The following IL13RA1 variants were observed in gnomAD, a reference collection of about 807,000 sequenced individuals.
IL13RA1 encodes interleukin-13 receptor subunit alpha-1.
Under a neutral mutation model 33.8 loss-of-function variants are expected in IL13RA1, and 14 were observed. The observed-to-expected ratio is 0.41, with a 90% confidence interval of 0.27 to 0.65. The LOEUF is 0.65. IL13RA1 is among the 30% of genes least tolerant of loss of function. The pLI is 0.28. For synonymous variants in IL13RA1, 116 were observed against 115.7 expected (o/e 1.00, Z -0.02); for missense variants, 313 against 327.0 (o/e 0.96, Z 0.33).
At chrX:118,798,333 T>C (rs1019522849), downstream of IL13RA1, among the ~76,000 whole-genome samples, 3 of 111,858 alleles carry the variant, frequency 2.7e-5, no homozygotes, top group African/African-American at 9.8e-5. Flanking sequence ...TATTTTTTTA[T>C]GTACCTGTCA....
chrX:118,778,648 G>A (rs1254747106), intron 10 of IL13RA1, among the ~76,000 whole-genome samples: 7 of 111,675 alleles, frequency 6.3e-5, no homozygotes, highest in Non-Finnish European at 1.3e-4. Context: ...TTGAAAATCA[G>A]TGATAAAGAT....
Position 118,741,216 on chromosome X carries a change from A to G in IL13RA1, c.228+60A>G. On this transcript the variant is annotated intron_variant, in intron 2 of 10. Transcript: ENST00000371666. ...AAAGTGAACACTATGAATTGGAGCCAAGAATAAGCCAAATTCTAGTCTTAC... is the reference window on the plus strand; with the variant it reads ...AAAGTGAACACTATGAATTGGAGCCGAGAATAAGCCAAATTCTAGTCTTAC... 4 of 731,283 alleles carry G rather than the reference A, an allele frequency of 5.5e-6. No individual in the cohort carries two copies. The South Asian group carries it at 9.8e-5, about 18-fold the overall frequency. The allele number at this position is 731,283 out of a possible 1,213,427, so 60.3% of individuals were successfully genotyped here.
chrX:118,805,114 A>G, the IL13RA1 span, among the ~76,000 whole-genome samples: 1 of 111,614 alleles, frequency 9.0e-6, no homozygotes, highest in Non-Finnish European at 1.9e-5. Context: ...ACATGGTTTC[A>G]CTTCTTCCCT....
At chrX:118,761,320 G>A in intron 6 of IL13RA1, 31 bp downstream of exon 6, 1 of 766,962 alleles carries the variant, frequency 1.3e-6, no homozygotes, top group African/African-American at 2.1e-5. Flanking sequence ...TTTTTATTTG[G>A]CTATTTTTCT....
At chrX:118,761,033 G>A (rs2017585059) in intron 5 of IL13RA1, 105 bp from the exon 6 acceptor site, 1 of 428,027 alleles carries the variant, frequency 2.3e-6, no homozygotes, top group South Asian at 6.1e-5. Context: ...TTCATGGTTG[G>A]TTGAATTCAT....
chrX:118,746,508 C>T (rs2017406169), intron 2 of IL13RA1, among the ~76,000 whole-genome samples: 1 of 111,562 alleles, frequency 9.0e-6, no homozygotes, highest in Non-Finnish European at 1.9e-5. Flanking sequence ...CATATTGTTT[C>T]CTTTAAAATT....
chrX:118,780,562 C>T (rs1480104129), intron 10 of IL13RA1, among the ~76,000 whole-genome samples: 2 of 112,712 alleles, frequency 1.8e-5, no homozygotes, highest in Non-Finnish European at 3.7e-5. Context: ...TGGTGAGTAT[C>T]TCAGGAAGCT....
downstream of IL13RA1, among the ~76,000 whole-genome samples, chrX:118,797,137 G>A (rs2018036669): frequency 8.9e-6 from 1 of 112,102 alleles, no homozygotes; most frequent in South Asian, 3.7e-4. Context: ...GAGTTCATTT[G>A]GAAGTGAGAA....
At chrX:118,782,828 C>T (rs903823736) in intron 10 of IL13RA1, among the ~76,000 whole-genome samples, 29 of 109,815 alleles carry the variant, frequency 2.6e-4, no homozygotes, top group Non-Finnish European at 5.1e-4. Context: ...TCTCAAACTC[C>T]TGGGCTCAAA....
At chrX:118,775,721 G>A (rs1360600134) in intron 9 of IL13RA1, among the ~76,000 whole-genome samples, 1 of 111,511 alleles carries the variant, frequency 9.0e-6, no homozygotes, top group Non-Finnish European at 1.9e-5. Flanking sequence ...CTGGTGCCAT[G>A]TACTGAGACA....
At position 118,789,734 on chromosome X, in the gene IL13RA1, C is replaced by A. The variant is rs578063563; in HGVS notation, c.1192-2028C>A. Among the ~76,000 whole-genome samples, 5 of 110,639 alleles carry A rather than the reference C, an allele frequency of 4.5e-5. No homozygotes were observed. The South Asian group carries it at 1.9e-3, about 42-fold the overall frequency. On this transcript the variant is annotated intron_variant, in intron 10 of 10. Coordinates refer to ENST00000371666, the MANE Select transcript of IL13RA1 (RefSeq NM_001560.3). ...TCCTGTATTTTTAGGTGTAAAGAGC[C>A]CTTTCCACCTTAGATTTATATAGTT... is the stretch of plus-strand genomic sequence containing the variant.
rs756238129 is a variant in IL13RA1, at chrX:118,773,874, T to G, written c.1010-5T>G. On this transcript the variant is annotated splice_polypyrimidine_tract_variant and splice_region_variant and intron_variant, in intron 8 of 10. Transcript: ENST00000371666. Reference sequence around the variant, plus strand: ...AAGTCTTTCTGTTTGCTTTTCATTCTCCAGGTAAGAAGCGCAATTCCACAC... The same window carrying G: ...AAGTCTTTCTGTTTGCTTTTCATTCGCCAGGTAAGAAGCGCAATTCCACAC... The G allele has an allele frequency of 1.1e-6, 1 of 879,095 alleles. No individual in the cohort carries two copies. Among genetic ancestry groups the G allele is most frequent in the African/African-American group, 2.0e-5 (1 of 50,776 alleles). The allele number at this position is 879,095 out of a possible 1,213,427, so 72.4% of individuals were successfully genotyped here.
intron 6 of IL13RA1, among the ~76,000 whole-genome samples, chrX:118,762,842 T>C (rs764865507): frequency 5.3e-5 from 6 of 112,209 alleles, no homozygotes; most frequent in Admixed American, 9.5e-5. Context: ...CCTGAGATAG[T>C]ATTCATTTTG....
At chrX:118,790,074 G>A (rs759100682) in intron 10 of IL13RA1, among the ~76,000 whole-genome samples, 1 of 111,853 alleles carries the variant, frequency 8.9e-6, no homozygotes, top group South Asian at 3.7e-4. Context: ...ATGCAATTTT[G>A]TAACCACTGC....
At chrX:118,758,323 A>G in intron 5 of IL13RA1, 81 bp downstream of exon 5, 2 of 454,375 alleles carry the variant, frequency 4.4e-6, no homozygotes, top group Non-Finnish European at 7.6e-6. Context: ...ATAATAAAAA[A>G]TGATCATTCT....
intron 1 of IL13RA1, among the ~76,000 whole-genome samples, chrX:118,735,072 G>C (rs138134895): frequency 0.011 from 1,187 of 110,222 alleles, 10 homozygotes; most frequent in Admixed American, 0.023. Context: ...GTTAGTGTAC[G>C]GTTGTTCATA....
At chrX:118,751,476 A>G (rs1047518942) in intron 4 of IL13RA1, among the ~76,000 whole-genome samples, 31 of 111,338 alleles carry the variant, frequency 2.8e-4, no homozygotes, top group Non-Finnish European at 5.3e-4. Context: ...AGAGGGATAG[A>G]TAGATTCCTG....
intron 8 of IL13RA1, chrX:118,769,977 T>C: frequency 4.8e-6 from 1 of 207,902 alleles, no homozygotes; most frequent in Non-Finnish European, 9.0e-6. Context: ...ATCAAGGAGC[T>C]GGAGTACAAC....
chrX:118,804,394 T>TACACACACACACACAC, the IL13RA1 span, among the ~76,000 whole-genome samples: 4 of 89,711 alleles, frequency 4.5e-5, no homozygotes, highest in African/African-American at 1.6e-4. Flanking sequence ...CAGCCATGCA[T>TACACACACACACACAC]ACACACACAC....
Sources: gnomAD v4.1 joint callset for allele counts (sites outside exome capture counted in the v4.1 genomes callset) on GRCh38, gnomAD v4.1.1 for gene constraint, MANE v1.5 for transcripts, NCBI Gene and HGNC (gene_info 2026-07-23, HGNC 2026-07-21) for gene names.